The following GOLIM4 variants were observed in gnomAD, a reference collection of about 807,000 sequenced individuals.
GOLIM4 encodes the protein golgi integral membrane protein 4.
A neutral mutation model predicts 107.4 loss-of-function variants in GOLIM4; 71 were observed. That is an observed-to-expected ratio of 0.66 (90% CI 0.55 to 0.81). The LOEUF is 0.81. Among genes scored for constraint, GOLIM4 ranks in the 30% least tolerant of loss-of-function variants. The probability of loss-of-function intolerance (pLI) is 0.00; values close to 1 mark genes in which losing one functional copy is unlikely to be tolerated. For synonymous variants in GOLIM4, 327 were observed against 294.8 expected, an observed-to-expected ratio of 1.11 and a Z score of -1.12; for missense variants, 830 against 826.1, an observed-to-expected ratio of 1.00 and a Z score of -0.06.
At chr3:168,067,437 C>T (rs2108274134) in intron 1 of GOLIM4, among the ~76,000 whole-genome samples, 1 of 150,798 alleles carries the variant, frequency 6.6e-6, no homozygotes, top group East Asian at 1.9e-4. Flanking sequence ...AACACACACG[C>T]ACACACACAC....
intron 5 of GOLIM4, among the ~76,000 whole-genome samples, chr3:168,042,127 T>TG (rs1209766996): frequency 6.6e-6 from 1 of 152,210 alleles, no homozygotes; most frequent in Non-Finnish European, 1.5e-5. Flanking sequence ...AGGAAACTGT[T>TG]GGGGTCAGTA....
At chr3:168,053,836 T>C (rs62273311) in intron 1 of GOLIM4, among the ~76,000 whole-genome samples, 24,915 of 152,156 alleles carry the variant, frequency 0.16, 2,334 homozygotes, top group Middle Eastern at 0.23. Flanking sequence ...TCCATAATTT[T>C]ACCTTACAAG....
At chr3:168,080,301 T>C (rs1270617706) in intron 1 of GOLIM4, among the ~76,000 whole-genome samples, 2 of 152,316 alleles carry the variant, frequency 1.3e-5, no homozygotes, top group South Asian at 4.1e-4. Flanking sequence ...TTTTAAAAAG[T>C]AGAAAGTAAT....
In GOLIM4 at chr3:168,095,250, C is replaced by A. The variant is rs1190532313; in HGVS notation, c.36G>T (p.Arg12=). 7 of 1,613,356 alleles carry A rather than the reference C, an allele frequency of 4.3e-6. No individual in the cohort carries two copies. The African/African-American group carries it at 5.3e-5, about 12-fold the overall frequency. The change falls in exon 1 of 16, where the codon CGG becomes CGT. Residue 12 remains arginine (R), a synonymous_variant. Transcript: ENST00000470487. ...TCAGCAGCAGCAGCGTCTGGAAAAT[C>A]CGCTTCTGCTTTCGGGAGCACATCC... ...GNGMCSRKQK[R]IFQTLLLLTV...
At chr3:168,041,905 T>C (rs567809064) in intron 5 of GOLIM4, among the ~76,000 whole-genome samples, 4 of 152,088 alleles carry the variant, frequency 2.6e-5, no homozygotes, top group African/African-American at 9.6e-5. Flanking sequence ...TATATAAAAA[T>C]AAAATAATCA....
rs910161730 is a variant in GOLIM4 at position 168,041,400 on chromosome 3, C to T, written c.592G>A (p.Asp198Asn). The T allele has an allele frequency of 1.7e-5, 27 of 1,575,708 alleles. No individual in the cohort carries two copies. Among genetic ancestry groups the T allele is most frequent in the African/African-American group, 2.7e-5 (2 of 74,174 alleles). Residue 198 changes from aspartate (D) to asparagine (N), a missense_variant, in exon 6 of 16, where the codon GAT becomes AAT. Asp to Asn is a conservative substitution (Grantham distance 23). Coordinates refer to ENST00000470487, the MANE Select transcript of GOLIM4 (RefSeq NM_014498.5). ...AHQDIHTQLQDVKQQHKNLLS... is the reference protein window; with the variant it reads ...AHQDIHTQLQNVKQQHKNLLS... ...GTTTGGTTTTCTTTTACCTTGACATCTTGAAGCTGTGTATGTATGTCTTGG... is the reference window on the plus strand; with the variant it reads ...GTTTGGTTTTCTTTTACCTTGACATTTTGAAGCTGTGTATGTATGTCTTGG...
At position 168,068,477 on chromosome 3, in the gene GOLIM4, C is replaced by A. The variant is rs567436698; in HGVS notation, c.188-20112G>T. Among the ~76,000 whole-genome samples, 3 of 152,156 alleles carry A rather than the reference C, an allele frequency of 2.0e-5. No homozygotes were observed. In the East Asian group the frequency reaches 5.8e-4, roughly 29 times the overall value. On this transcript the variant is annotated intron_variant, in intron 1 of 15. Transcript: ENST00000470487. Reference sequence around the variant, plus strand: ...ACAGGTATGCAACTTACTGTTTATACGTCAACTTCTTGCAGGATAAAAATA... The same window carrying A: ...ACAGGTATGCAACTTACTGTTTATAAGTCAACTTCTTGCAGGATAAAAATA...
chr3:168,039,805 C>T lies in GOLIM4; in HGVS notation c.684+981G>A, dbSNP rs538017409. ...TTGACAAAAATTTTTATAAAGAAGA[C>T]GTGAAATGAAATGATCCCTGACGTC... is the stretch of plus-strand genomic sequence containing the variant. On this transcript the variant is annotated intron_variant, in intron 7 of 15. Coordinates refer to ENST00000470487, the MANE Select transcript of GOLIM4 (RefSeq NM_014498.5). Among the ~76,000 whole-genome samples the T allele has an allele frequency of 9.9e-5, 15 of 152,130 alleles. No individual in the cohort carries two copies. The South Asian group carries it at 1.7e-3, about 17-fold the overall frequency.
intron 1 of GOLIM4, among the ~76,000 whole-genome samples, chr3:168,051,089 ACC>A (rs1719617173): frequency 6.6e-6 from 1 of 152,132 alleles, no homozygotes; most frequent in Non-Finnish European, 1.5e-5. Context: ...ATTGTGTGGT[ACC>A]AGATAATCAG....
At chr3:168,074,116 A>T (rs1157270915) in intron 1 of GOLIM4, among the ~76,000 whole-genome samples, 1 of 152,192 alleles carries the variant, frequency 6.6e-6, no homozygotes, top group Non-Finnish European at 1.5e-5. Flanking sequence ...GCACACAGAG[A>T]GAAACAGGTA....
At chr3:168,033,543 C>G (rs2108232719) in intron 8 of GOLIM4, among the ~76,000 whole-genome samples, 1 of 124,670 alleles carries the variant, frequency 8.0e-6, no homozygotes, top group African/African-American at 3.0e-5. Context: ...GGAGGCGGAG[C>G]TTGCAGTGAG....
intron 1 of GOLIM4, among the ~76,000 whole-genome samples, chr3:168,057,742 A>C (rs1381855878): frequency 1.3e-5 from 2 of 152,160 alleles, no homozygotes; most frequent in Non-Finnish European, 2.9e-5. Context: ...ACAACTAAGT[A>C]CCTTGAAGGT....
At chr3:168,050,859 A>C (rs1265570023) in intron 1 of GOLIM4, among the ~76,000 whole-genome samples, 1 of 148,186 alleles carries the variant, frequency 6.7e-6, no homozygotes, top group Non-Finnish European at 1.5e-5. Context: ...AATAATAATA[A>C]TAATAATAAT....
chr3:168,024,379 G>C, intron 14 of GOLIM4, 147 bp downstream of exon 14: 1 of 646,570 alleles, frequency 1.5e-6, no homozygotes. Context: ...ATCCATTTTT[G>C]CTTTAAACCA....
chr3:168,044,888 AT>A lies in GOLIM4; in HGVS notation c.313-8del. ...ATCTGCTATTGGAATCTTGCTGTAA[AT>A]CAAAAAAAAAAAAGAAAACACAAAG... is the stretch of plus-strand genomic sequence containing the variant. On this transcript the variant is annotated splice_region_variant and splice_polypyrimidine_tract_variant and intron_variant, in intron 3 of 15. Transcript: ENST00000470487. 6.7e-7 allele frequency: 1 copy of A among 1,489,866 alleles called. No homozygotes were observed. Among genetic ancestry groups the A allele is most frequent in the Middle Eastern group, 1.8e-4 (1 of 5,702 alleles). 92.3% of individuals were successfully genotyped at this position (1,489,866 alleles called of 1,614,324 possible). A position where few individuals can be genotyped will look rare whatever the true frequency, so the allele number is the denominator to read the frequency against.
At chr3:168,046,792 A>C (rs1719329499) in intron 3 of GOLIM4, among the ~76,000 whole-genome samples, 158 bp downstream of exon 3, 1 of 147,838 alleles carries the variant, frequency 6.8e-6, no homozygotes, top group African/African-American at 2.5e-5. Flanking sequence ...TTCCTCTTAG[A>C]ATTTTTTGGC....
intron 9 of GOLIM4, among the ~76,000 whole-genome samples, chr3:168,030,360 A>T (rs925829843): frequency 1.3e-5 from 2 of 152,006 alleles, no homozygotes; most frequent in African/African-American, 4.8e-5. Context: ...CTCTGATATA[A>T]ACAAGTAGTT....
chr3:168,035,231 T>C (rs1228555560), intron 8 of GOLIM4, among the ~76,000 whole-genome samples: 1 of 152,156 alleles, frequency 6.6e-6, no homozygotes, highest in Admixed American at 6.5e-5. Context: ...TCAACCATCA[T>C]GAAAGACAGT....
intron 1 of GOLIM4, among the ~76,000 whole-genome samples, chr3:168,057,857 G>C (rs1268433544): frequency 6.6e-6 from 1 of 152,112 alleles, no homozygotes; most frequent in Non-Finnish European, 1.5e-5. Context: ...GACAGCACTT[G>C]TTCAATGATT....
Sources: gnomAD v4.1 joint callset for allele counts (sites outside exome capture counted in the v4.1 genomes callset) on GRCh38, gnomAD v4.1.1 for gene constraint, MANE v1.5 for transcripts, NCBI Gene and HGNC (gene_info 2026-07-23, HGNC 2026-07-21) for gene names.